The following SDHC variants were observed in gnomAD, a reference collection of about 807,000 sequenced individuals.
SDHC encodes succinate dehydrogenase cytochrome b560 subunit, mitochondrial.
A neutral mutation model predicts 22.6 loss-of-function variants in SDHC; 11 were observed. The ratio of observed to expected loss-of-function variants is 0.49; its 90% CI spans 0.31 to 0.81. The LOEUF is 0.81. Ranked by LOEUF, SDHC falls within the 30% of genes least tolerant of loss-of-function variation. The probability of loss-of-function intolerance (pLI) is 0.05; values close to 1 mark genes in which losing one functional copy is unlikely to be tolerated. For synonymous variants in SDHC, 80 were observed against 77.8 expected, an observed-to-expected ratio of 1.03 and a Z score of -0.15; for missense variants, 160 against 212.0, an observed-to-expected ratio of 0.75 and a Z score of 1.52.
intron 5 of SDHC, among the ~76,000 whole-genome samples, chr1:161,361,316 T>A (rs1330332804): frequency 6.6e-6 from 1 of 151,976 alleles, no homozygotes; most frequent in African/African-American, 2.4e-5. Flanking sequence ...TTATCAACTT[T>A]TGCTATATTA....
At chr1:161,354,227 G>A (rs1672188583) in intron 4 of SDHC, among the ~76,000 whole-genome samples, 1 of 152,112 alleles carries the variant, frequency 6.6e-6, no homozygotes, top group Non-Finnish European at 1.5e-5. Flanking sequence ...AATCAGATTG[G>A]ATACTGCCAC....
intron 1 of SDHC, among the ~76,000 whole-genome samples, chr1:161,322,965 C>T (rs1213622276): frequency 4.6e-5 from 7 of 152,082 alleles, no homozygotes; most frequent in African/African-American, 9.7e-5. Flanking sequence ...GTTTTGTTAA[C>T]CCCGTCTCTT....
At chr1:161,318,051 C>T (rs61602668) in intron 1 of SDHC, among the ~76,000 whole-genome samples, 2,248 of 151,696 alleles carry the variant, frequency 0.015, 52 homozygotes, top group African/African-American at 0.052. Flanking sequence ...GCGCGCCTGT[C>T]GTCCCAGCTA....
chr1:161,314,587 C>T, intron 1 of SDHC, 162 bp downstream of exon 1: 1 of 776,964 alleles, frequency 1.3e-6, no homozygotes, highest in South Asian at 1.6e-5. Flanking sequence ...CTTTTCCCGT[C>T]CCCCCCAGCC....
intron 3 of SDHC, among the ~76,000 whole-genome samples, chr1:161,329,296 T>C (rs983621620): frequency 6.6e-6 from 1 of 152,114 alleles, no homozygotes; most frequent in African/African-American, 2.4e-5. Context: ...GCAATGATGA[T>C]GATATCCAAG....
rs532317918 is a variant in SDHC at position 161,339,662 on chromosome 1, G to GTTTT, written c.180-907_180-904dup. The stretch of plus-strand genomic sequence containing the variant: ...TTTGTAACCTAATCCTGATACAGGT[G>GTTTT]TTTTTTTTTTTTTTTTTTTTTTTTT... On this transcript the variant is annotated intron_variant, in intron 3 of 5. Transcript: ENST00000367975. 9.3e-3 allele frequency: 479 copies of GTTTT among 51,664 alleles called. 96 individuals are homozygous for GTTTT. The highest frequency in any genetic ancestry group is 0.012 in the Non-Finnish European group (370 of 30,188). The allele number at this position is 51,664 out of a possible 1,614,324, so 3.2% of individuals were successfully genotyped here.
chr1:161,324,317 C>T (rs1424406700), intron 2 of SDHC, among the ~76,000 whole-genome samples: 1 of 152,170 alleles, frequency 6.6e-6, no homozygotes, highest in Non-Finnish European at 1.5e-5. Flanking sequence ...ACCATTTTGC[C>T]CAAGCAGGTC....
intron 3 of SDHC, among the ~76,000 whole-genome samples, chr1:161,331,786 G>A (rs987082942): frequency 4.7e-5 from 7 of 150,228 alleles, no homozygotes; most frequent in East Asian, 2.0e-4. Context: ...TCGTAGAGAC[G>A]GGGTTTCGCT....
intron 1 of SDHC, among the ~76,000 whole-genome samples, chr1:161,318,644 G>A (rs1670717926): frequency 6.6e-6 from 1 of 152,082 alleles, no homozygotes; most frequent in Non-Finnish European, 1.5e-5. Context: ...TTATGAAACT[G>A]CTTTTTAAAA....
At chr1:161,336,769 A>G (rs1227722653) in intron 3 of SDHC, among the ~76,000 whole-genome samples, 4 of 152,202 alleles carry the variant, frequency 2.6e-5, no homozygotes. Flanking sequence ...GAGGCCTGGA[A>G]GTAAATGGTT....
intron 3 of SDHC, among the ~76,000 whole-genome samples, chr1:161,337,734 C>T (rs1369149886): frequency 6.6e-6 from 1 of 152,180 alleles, no homozygotes; most frequent in African/African-American, 2.4e-5. Context: ...TTTTGTATAT[C>T]AGTATTTCTG....
chr1:161,350,171 A>G (rs1672053387), intron 4 of SDHC, among the ~76,000 whole-genome samples: 1 of 152,102 alleles, frequency 6.6e-6, no homozygotes, highest in Non-Finnish European at 1.5e-5. Flanking sequence ...TGGCCTCCCA[A>G]AGTGCTAGGT....
At chr1:161,344,276 C>T (rs1273377192) in intron 4 of SDHC, among the ~76,000 whole-genome samples, 3 of 151,786 alleles carry the variant, frequency 2.0e-5, no homozygotes, top group South Asian at 4.2e-4. Flanking sequence ...GGAGACAGAG[C>T]GAGACTCCGT....
intron 3 of SDHC, among the ~76,000 whole-genome samples, chr1:161,335,986 T>C (rs1304185024): frequency 6.6e-6 from 1 of 152,148 alleles, no homozygotes; most frequent in African/African-American, 2.4e-5. Flanking sequence ...TTTCTGCCAG[T>C]GAGGCTGGCC....
intron 3 of SDHC, among the ~76,000 whole-genome samples, chr1:161,336,075 G>A (rs951361406): frequency 6.6e-6 from 1 of 152,024 alleles, no homozygotes; most frequent in East Asian, 1.9e-4. Flanking sequence ...CCTGTTTGTA[G>A]AAACTGGACA....
At chr1:161,336,387 G>A (rs7538701) in intron 3 of SDHC, among the ~76,000 whole-genome samples, 13,239 of 152,016 alleles carry the variant, frequency 0.087, 650 homozygotes, top group Middle Eastern at 0.12. Context: ...CCCGGGAGGC[G>A]GAGGTTGCAG....
intron 3 of SDHC, among the ~76,000 whole-genome samples, chr1:161,334,232 A>G (rs1671387382): frequency 6.6e-6 from 1 of 152,124 alleles, no homozygotes; most frequent in Admixed American, 6.6e-5. Flanking sequence ...AGAACCAGCA[A>G]TGCTACATTG....
intron 3 of SDHC, among the ~76,000 whole-genome samples, chr1:161,336,503 G>A (rs1045209511): frequency 1.3e-5 from 2 of 151,922 alleles, no homozygotes; most frequent in African/African-American, 4.8e-5. Flanking sequence ...AGAGAAAAGA[G>A]CATCCTAAAT....
chr1:161,347,222 G>A (rs567342644), intron 4 of SDHC, among the ~76,000 whole-genome samples: 35 of 152,256 alleles, frequency 2.3e-4, no homozygotes, highest in African/African-American at 8.2e-4. Flanking sequence ...GAAATCTCCC[G>A]GATCATTGGA....
Sources: gnomAD v4.1 joint callset for allele counts (sites outside exome capture counted in the v4.1 genomes callset) on GRCh38, gnomAD v4.1.1 for gene constraint, MANE v1.5 for transcripts, NCBI Gene and HGNC (gene_info 2026-07-23, HGNC 2026-07-21) for gene names.